The following CACNA2D1 variants were observed in gnomAD, a reference collection of about 807,000 sequenced individuals.
The protein encoded by CACNA2D1 is voltage-dependent calcium channel subunit alpha-2/delta-1.
Under a neutral mutation model 171.5 loss-of-function variants are expected in CACNA2D1, and 53 were observed. The ratio of observed to expected loss-of-function variants is 0.31; its 90% CI spans 0.25 to 0.39. CACNA2D1 has a LOEUF of 0.39. CACNA2D1 is among the 10% of genes least tolerant of loss of function. The pLI is 1.00. For missense variants in CACNA2D1, 903 were observed against 1,299.8 expected, an observed-to-expected ratio of 0.69 and a Z score of 4.69; for synonymous variants, 442 against 443.1, an observed-to-expected ratio of 1.00 and a Z score of 0.03.
intron 10 of CACNA2D1, among the ~76,000 whole-genome samples, chr7:82,046,899 A>G (rs1804620655): frequency 6.6e-6 from 1 of 152,204 alleles, no homozygotes; most frequent in Admixed American, 6.5e-5. Flanking sequence ...GAAATCTTGG[A>G]TGGATTTCTG....
chr7:82,286,975 G>A (rs1451579737), intron 3 of CACNA2D1, among the ~76,000 whole-genome samples: 1 of 152,102 alleles, frequency 6.6e-6, no homozygotes, highest in African/African-American at 2.4e-5. Context: ...TTTGCATCCT[G>A]CACCATTTAA....
intron 3 of CACNA2D1, among the ~76,000 whole-genome samples, chr7:82,200,804 T>C (rs892923543): frequency 6.6e-6 from 1 of 151,954 alleles, no homozygotes; most frequent in Non-Finnish European, 1.5e-5. Context: ...AACCATAGAG[T>C]GATTTAGAAA....
At chr7:82,246,265 A>C (rs909909393) in intron 3 of CACNA2D1, among the ~76,000 whole-genome samples, 5 of 151,326 alleles carry the variant, frequency 3.3e-5, no homozygotes, top group African/African-American at 2.4e-5. Context: ...GCATATGTAG[A>C]GATACTAATA....
At position 82,212,321 on chromosome 7, in the gene CACNA2D1, T is replaced by C. The variant is rs149434891; in HGVS notation, c.295-41712A>G. On this transcript the variant is annotated intron_variant, in intron 3 of 38. Coordinates refer to ENST00000356860, the MANE Select transcript of CACNA2D1 (RefSeq NM_000722.4). ...CATTTTTTAGGTTAAGTGTATTCCA[T>C]GCAATGTTTAGGTCACACTTTGTTT... 2.2e-3 allele frequency among the ~76,000 whole-genome samples: 340 copies of C among 152,350 alleles called. 2 individuals are homozygous for C. The highest frequency in any genetic ancestry group is 7.8e-3 in the African/African-American group (325 of 41,596).
At chr7:82,149,142 C>T (rs78165276) in intron 4 of CACNA2D1, among the ~76,000 whole-genome samples, 3 of 152,288 alleles carry the variant, frequency 2.0e-5, no homozygotes, top group Non-Finnish European at 2.9e-5. Flanking sequence ...TGAGAGACTA[C>T]ACCTTAGCCA....
At chr7:82,278,290 T>A (rs1809617918) in intron 3 of CACNA2D1, among the ~76,000 whole-genome samples, 1 of 151,986 alleles carries the variant, frequency 6.6e-6, no homozygotes, top group Non-Finnish European at 1.5e-5. Context: ...AAATTACACA[T>A]CTTCCTGGCT....
rs192826093 is a variant in CACNA2D1 at position 81,969,175 on chromosome 7, A to G, written c.2309-202T>C. On this transcript the variant is annotated intron_variant, in intron 28 of 38. Coordinates refer to ENST00000356860, the MANE Select transcript of CACNA2D1 (RefSeq NM_000722.4). ...GTATATCCATGAATTGGTTTGTATT[A>G]ATTGATTCGGGGACATTAATTAGCT... 5.3e-5 allele frequency among the ~76,000 whole-genome samples: 8 copies of G among 151,526 alleles called. No homozygotes were observed. In the East Asian group the frequency reaches 1.4e-3, roughly 26 times the overall value.
chr7:82,200,041 G>T (rs570982848), intron 3 of CACNA2D1, among the ~76,000 whole-genome samples: 1 of 152,150 alleles, frequency 6.6e-6, no homozygotes, highest in South Asian at 2.1e-4. Flanking sequence ...CTATAGGACA[G>T]AAATTGGAAT....
intron 10 of CACNA2D1, among the ~76,000 whole-genome samples, chr7:82,060,125 A>C (rs1584583433): frequency 1.2e-5 from 1 of 82,166 alleles, no homozygotes; most frequent in South Asian, 5.3e-4. Context: ...GTGCACATGT[A>C]CCCTAAAACT....
chr7:82,208,103 T>C (rs1299449420), intron 3 of CACNA2D1, among the ~76,000 whole-genome samples: 1 of 152,156 alleles, frequency 6.6e-6, no homozygotes, highest in Non-Finnish European at 1.5e-5. Context: ...GGTGCTTCTA[T>C]AATATAGTGA....
At chr7:82,166,144 G>A (rs959600155) in intron 4 of CACNA2D1, among the ~76,000 whole-genome samples, 1 of 151,982 alleles carries the variant, frequency 6.6e-6, no homozygotes, top group Non-Finnish European at 1.5e-5. Flanking sequence ...GTGCCTATTA[G>A]TTTAACTCGC....
intron 3 of CACNA2D1, among the ~76,000 whole-genome samples, chr7:82,276,882 T>G (rs542576682): frequency 3.8e-4 from 58 of 151,452 alleles, no homozygotes; most frequent in African/African-American, 1.4e-3. Flanking sequence ...CCAAGTAGCT[T>G]GGACTACAGG....
intron 1 of CACNA2D1, among the ~76,000 whole-genome samples, chr7:82,401,192 C>A (rs959072597): frequency 6.6e-6 from 1 of 152,166 alleles, no homozygotes. Context: ...TTGACGAAGC[C>A]ATCCCATTAC....
At chr7:82,391,200 C>A (rs1411851692) in intron 1 of CACNA2D1, among the ~76,000 whole-genome samples, 1 of 151,996 alleles carries the variant, frequency 6.6e-6, no homozygotes, top group Non-Finnish European at 1.5e-5. Flanking sequence ...GCACAGAGTA[C>A]CAAGGTGGGA....
chr7:82,303,577 T>C (rs1392730680), intron 3 of CACNA2D1, among the ~76,000 whole-genome samples: 1 of 151,862 alleles, frequency 6.6e-6, no homozygotes, highest in Non-Finnish European at 1.5e-5. Context: ...ATGGCATTGC[T>C]ATAAAAATAG....
intron 1 of CACNA2D1, among the ~76,000 whole-genome samples, chr7:82,393,576 A>G (rs1825436099): frequency 6.6e-6 from 1 of 152,246 alleles, no homozygotes. Context: ...ATATTTTAAT[A>G]TAACAAACAC....
intron 3 of CACNA2D1, among the ~76,000 whole-genome samples, chr7:82,295,439 C>G (rs1268081492): frequency 3.3e-5 from 5 of 151,698 alleles, no homozygotes. Flanking sequence ...CAGGCTCCAG[C>G]GATCCTCCTG....
At chr7:82,000,755 T>TA (rs1401953673) in intron 18 of CACNA2D1, among the ~76,000 whole-genome samples, 18 of 141,196 alleles carry the variant, frequency 1.3e-4, no homozygotes, top group Non-Finnish European at 2.6e-4. Flanking sequence ...CTACCATGCC[T>TA]AACTAATTTT....
At chr7:82,382,036 C>T (rs1280728152) in intron 1 of CACNA2D1, among the ~76,000 whole-genome samples, 2 of 152,036 alleles carry the variant, frequency 1.3e-5, no homozygotes, top group East Asian at 1.9e-4. Context: ...AAGAAAAAAA[C>T]ATATCAGGGA....
Sources: gnomAD v4.1 joint callset for allele counts (sites outside exome capture counted in the v4.1 genomes callset) on GRCh38, gnomAD v4.1.1 for gene constraint, MANE v1.5 for transcripts, NCBI Gene and HGNC (gene_info 2026-07-23, HGNC 2026-07-21) for gene names.